Variants in TENM3 observed in about 807,000 individuals in gnomAD.
TENM3 encodes teneurin transmembrane protein 3.
In TENM3, 63 loss-of-function variants were observed where a neutral mutation model predicts 255.1. That is an observed-to-expected ratio of 0.25 (90% CI 0.20 to 0.30). The LOEUF is 0.30. Ranked by LOEUF, TENM3 falls within the 10% of genes least tolerant of loss-of-function variation. TENM3 has a pLI of 1.00. For synonymous variants in TENM3, 1,306 were observed against 1,322.3 expected (o/e 0.99, Z 0.27); for missense variants, 2,929 against 3,461.1 (o/e 0.85, Z 3.86).
intron 1 of TENM3, chr4:182,144,768 C>A (rs1293905228): frequency 6.7e-6 from 1 of 148,536 alleles, no homozygotes; most frequent in Admixed American, 6.7e-5. Flanking sequence ...AGTGCGGCGC[C>A]GCCGCCGGCG....
At chr4:182,755,413 AT>A in intron 22 of TENM3, 154 bp downstream of exon 22, 1 of 699,706 alleles carries the variant, frequency 1.4e-6, no homozygotes, top group Non-Finnish European at 2.3e-6. Context: ...ACGGTGGCTC[AT>A]TCCCGTAGTC....
At chr4:181,904,448 G>A in the TENM3 span, among the ~76,000 whole-genome samples, 11 of 152,128 alleles carry the variant, frequency 7.2e-5, no homozygotes, top group East Asian at 1.7e-3. Flanking sequence ...AACATCACAT[G>A]TACCCGATAA....
At chr4:181,920,945 T>C in the TENM3 span, among the ~76,000 whole-genome samples, 1 of 152,208 alleles carries the variant, frequency 6.6e-6, no homozygotes, top group Admixed American at 6.5e-5. Flanking sequence ...TTCAGCTTTC[T>C]CCATATGGCT....
intron 4 of TENM3, among the ~76,000 whole-genome samples, chr4:182,620,067 A>G (rs1164615252): frequency 1.3e-5 from 2 of 152,202 alleles, no homozygotes; most frequent in Non-Finnish European, 2.9e-5. Context: ...TATGTTTTTG[A>G]TAGCAATTTT....
chr4:182,441,792 C>T (rs1772510347), intron 3 of TENM3, among the ~76,000 whole-genome samples: 1 of 152,182 alleles, frequency 6.6e-6, no homozygotes. Context: ...TCCCAAAGTG[C>T]TGGGATTATA....
intron 3 of TENM3, among the ~76,000 whole-genome samples, chr4:182,587,074 A>C (rs1746095095): frequency 6.8e-6 from 1 of 147,808 alleles, no homozygotes; most frequent in South Asian, 2.2e-4. Context: ...AACTTTTATA[A>C]AACAGATCAG....
At chr4:181,749,990 A>C in the TENM3 span, among the ~76,000 whole-genome samples, 2 of 152,178 alleles carry the variant, frequency 1.3e-5, no homozygotes, top group Non-Finnish European at 2.9e-5. Flanking sequence ...TATTAAAAAG[A>C]AATCCCTCCC....
chr4:182,049,279 C>A, the TENM3 span, among the ~76,000 whole-genome samples: 2 of 152,142 alleles, frequency 1.3e-5, no homozygotes, highest in Non-Finnish European at 2.9e-5. Flanking sequence ...GGCCTTTATC[C>A]AAAGAATGAG....
chr4:181,699,275 A>T, the TENM3 span, among the ~76,000 whole-genome samples: 1 of 151,844 alleles, frequency 6.6e-6, no homozygotes, highest in Admixed American at 6.6e-5. Flanking sequence ...TAGAAAAAAT[A>T]CAAAAATTAG....
chr4:182,249,187 T>C (rs1475324392), intron 1 of TENM3, among the ~76,000 whole-genome samples: 2 of 151,804 alleles, frequency 1.3e-5, no homozygotes, highest in Non-Finnish European at 2.9e-5. Context: ...GAAATGGGAG[T>C]CATGTGGTCA....
the TENM3 span, among the ~76,000 whole-genome samples, chr4:181,928,941 C>G: frequency 2.0e-5 from 3 of 152,004 alleles, no homozygotes; most frequent in Non-Finnish European, 4.4e-5. Context: ...ACTTCATAAG[C>G]GAAGAAGAAA....
At chr4:182,457,058 G>A (rs6847892) in intron 3 of TENM3, among the ~76,000 whole-genome samples, 44,805 of 151,508 alleles carry the variant, frequency 0.3, 6,759 homozygotes, top group Non-Finnish European at 0.31. Flanking sequence ...GGTGACATGC[G>A]CCTGTAATCC....
upstream of TENM3, chr4:182,143,372 A>G (rs1749617795): frequency 6.0e-6 from 1 of 166,960 alleles, no homozygotes. The surrounding 1 kb of genome is among the most constrained non-coding windows in gnomAD (Gnocchi z 4.3). Flanking sequence ...GTCTCGGACG[A>G]AAGAACACTG....
At chr4:182,133,378 C>T in the TENM3 span, among the ~76,000 whole-genome samples, 1 of 152,144 alleles carries the variant, frequency 6.6e-6, no homozygotes. Context: ...TAAAGCTCTT[C>T]ATTTTTTTTG....
the TENM3 span, among the ~76,000 whole-genome samples, chr4:181,966,230 C>A: frequency 2.0e-5 from 3 of 152,056 alleles, no homozygotes; most frequent in African/African-American, 7.2e-5. Context: ...GTGAGTTACA[C>A]AGGGAGATTT....
the TENM3 span, among the ~76,000 whole-genome samples, chr4:181,822,986 A>G: frequency 6.6e-6 from 1 of 152,212 alleles, no homozygotes; most frequent in Non-Finnish European, 1.5e-5. Context: ...ACGATCTAAA[A>G]AAAAGGCGGA....
the TENM3 span, among the ~76,000 whole-genome samples, chr4:181,740,447 A>G: frequency 6.6e-6 from 1 of 152,178 alleles, no homozygotes; most frequent in East Asian, 1.9e-4. Context: ...GAGTCTTACT[A>G]CATATATTTT....
the TENM3 span, among the ~76,000 whole-genome samples, chr4:181,851,197 A>C: frequency 5.9e-5 from 9 of 152,208 alleles, no homozygotes; most frequent in East Asian, 1.7e-3. Flanking sequence ...TACTTTTACA[A>C]ACTATCATAA....
At chr4:182,392,673 G>T (rs921753707) in intron 3 of TENM3, among the ~76,000 whole-genome samples, 1 of 143,424 alleles carries the variant, frequency 7.0e-6, no homozygotes, top group East Asian at 1.9e-4. Flanking sequence ...GCCTCCACGT[G>T]GGGCGGGGGT....
Sources: allele counts gnomAD v4.1 joint callset (sites outside exome capture counted in the v4.1 genomes callset), GRCh38; gene constraint gnomAD v4.1.1; non-coding constraint Gnocchi (gnomAD v3.1); transcripts MANE v1.5; gene names NCBI Gene and HGNC (gene_info 2026-07-23, HGNC 2026-07-21).